The following ARID4A variants were observed in gnomAD, a reference collection of about 807,000 sequenced individuals.
ARID4A encodes AT-rich interactive domain-containing protein 4A.
Under a neutral mutation model 148.6 loss-of-function variants are expected in ARID4A, and 39 were observed. The ratio of observed to expected loss-of-function variants is 0.26; its 90% CI spans 0.20 to 0.34. The LOEUF is 0.34. Ranked by LOEUF, ARID4A falls within the 10% of genes least tolerant of loss-of-function variation. The probability of loss-of-function intolerance (pLI) is 1.00; values close to 1 mark genes in which losing one functional copy is unlikely to be tolerated. For synonymous variants in ARID4A, 475 were observed against 481.2 expected (o/e 0.99, Z 0.17); for missense variants, 1,265 against 1,449.1 (o/e 0.87, Z 2.06).
intron 5 of ARID4A, among the ~76,000 whole-genome samples, chr14:58,316,155 C>A (rs1281516935): frequency 6.6e-6 from 1 of 151,996 alleles, no homozygotes. Flanking sequence ...TCATAGGTAA[C>A]CAATTAAAAA....
chr14:58,335,525 C>G (rs913434969), intron 11 of ARID4A, among the ~76,000 whole-genome samples: 2 of 151,920 alleles, frequency 1.3e-5, no homozygotes, highest in African/African-American at 4.8e-5. Flanking sequence ...GTTGGTCAGG[C>G]TGGTCTCAAA....
intron 2 of ARID4A, among the ~76,000 whole-genome samples, chr14:58,300,880 T>C (rs1382625607): frequency 3.3e-5 from 5 of 151,962 alleles, no homozygotes; most frequent in African/African-American, 1.2e-4. Context: ...AAATGAGTGG[T>C]AGAGTGACAT....
intron 19 of ARID4A, among the ~76,000 whole-genome samples, chr14:58,363,959 G>A (rs1444490248): frequency 3.9e-5 from 6 of 152,100 alleles, no homozygotes; most frequent in African/African-American, 9.7e-5. Context: ...AATATGCAAC[G>A]TAATATATTT....
chr14:58,300,767 A>G (rs1490993563), intron 2 of ARID4A, among the ~76,000 whole-genome samples: 11 of 152,046 alleles, frequency 7.2e-5, no homozygotes, highest in Non-Finnish European at 1.6e-4. Context: ...GCACTTAACA[A>G]TGTTAAGTTG....
chr14:58,346,539 G>C (rs2034371780), intron 13 of ARID4A, 34 bp downstream of exon 13: 1 of 1,454,568 alleles, frequency 6.9e-7, no homozygotes, highest in Admixed American at 1.8e-5. Flanking sequence ...AACATGTATT[G>C]ATGTGGTAAA....
chr14:58,339,424 G>A (rs935360279), intron 11 of ARID4A, among the ~76,000 whole-genome samples: 1 of 152,004 alleles, frequency 6.6e-6, no homozygotes, highest in Non-Finnish European at 1.5e-5. Context: ...GTCAATTTTT[G>A]TGGCTCCGAT....
chr14:58,318,487 A>T, intron 5 of ARID4A, 55 bp from the exon 6 acceptor site: 2 of 1,516,752 alleles, frequency 1.3e-6, no homozygotes, highest in Non-Finnish European at 1.8e-6. Flanking sequence ...CTGTGCTTTT[A>T]AGTTTTTATT....
intron 17 of ARID4A, among the ~76,000 whole-genome samples, chr14:58,355,454 TAAC>T (rs1349469542): frequency 6.6e-6 from 1 of 152,200 alleles, no homozygotes; most frequent in African/African-American, 2.4e-5. Context: ...AGTAAGAGAT[TAAC>T]AACAATAATA....
rs181253859 is a variant in ARID4A, at chr14:58,319,194, G to A, written c.449+389G>A. 3.8e-3 allele frequency among the ~76,000 whole-genome samples: 575 copies of A among 152,002 alleles called. 4 individuals are homozygous for A. The highest frequency in any genetic ancestry group is 0.013 in the African/African-American group (545 of 41,458). ...CCTGCTTCAGCCTCCTGAGAAGCTG[G>A]GACTACAGGCATGTGCCACCACACC... is the stretch of plus-strand genomic sequence containing the variant. On this transcript the variant is annotated intron_variant, in intron 7 of 23. Coordinates refer to ENST00000355431, the MANE Select transcript of ARID4A (RefSeq NM_002892.4).
At chr14:58,324,322 C>T (rs944727338) in intron 8 of ARID4A, among the ~76,000 whole-genome samples, 1 of 152,008 alleles carries the variant, frequency 6.6e-6, no homozygotes, top group Admixed American at 6.6e-5. Flanking sequence ...GTTTCCCAGG[C>T]TGGAGTGCAG....
In ARID4A at chr14:58,338,645, G is replaced by A. The variant is rs541150700; in HGVS notation, c.907-6050G>A. ...TGTGATGGAGTTTCAGAGTTGGGGT[G>A]AGAAGGGTAGCCCATGAAGAGGGCC... On this transcript the variant is annotated intron_variant, in intron 11 of 23. Coordinates refer to ENST00000355431, the MANE Select transcript of ARID4A (RefSeq NM_002892.4). 6.3e-4 allele frequency among the ~76,000 whole-genome samples: 96 copies of A among 152,224 alleles called. No individual in the cohort carries two copies. In the South Asian group the frequency reaches 7.5e-3, roughly 12 times the overall value.
rs763678025 is a variant in ARID4A at position 58,330,163 on chromosome 14, A to C, written c.900A>C (p.Glu300Asp). The change falls in exon 11 of 24, where the codon GAA becomes GAC. Residue 300 changes from glutamate to aspartate, a missense_variant. By Grantham distance (45) the Glu-to-Asp change is conservative (BLOSUM62 2). Coordinates refer to ENST00000355431, the MANE Select transcript of ARID4A (RefSeq NM_002892.4). ...EKEKEAKKTE[E>D]EVPEEELDPE... Reference sequence around the variant, plus strand: ...AAAAGGAGGCCAAAAAGACAGAAGAAGAGGTGGTAGGTGTAATTTCATGTT... The same window carrying C: ...AAAAGGAGGCCAAAAAGACAGAAGACGAGGTGGTAGGTGTAATTTCATGTT... 2 of 1,611,320 alleles carry C rather than the reference A, an allele frequency of 1.2e-6. No homozygotes were observed. Among genetic ancestry groups the C allele is most frequent in the Admixed American group, 1.7e-5 (1 of 59,014 alleles).
chr14:58,301,503 C>T, intron 2 of ARID4A, 77 bp from the exon 3 acceptor site: 1 of 986,018 alleles, frequency 1.0e-6, no homozygotes, highest in Admixed American at 2.5e-5. Flanking sequence ...GCTTCAAACA[C>T]AACCTTTTAA....
chr14:58,364,163 C>G lies in ARID4A; in HGVS notation c.2081-7C>G, dbSNP rs2035250690. 2.3e-6 allele frequency: 3 copies of G among 1,309,244 alleles called. No homozygotes were observed. Among genetic ancestry groups the G allele is most frequent in the African/African-American group, 1.5e-5 (1 of 65,366 alleles). 81.1% of individuals were successfully genotyped at this position (1,309,244 alleles called of 1,614,324 possible). On this transcript the variant is annotated splice_polypyrimidine_tract_variant and splice_region_variant and intron_variant, in intron 19 of 23. Transcript: ENST00000355431. ...CCTGTATAATATAATAATATTTCCT[C>G]TTACAGACTCTTGTTCATCTGATAG... is the stretch of plus-strand genomic sequence containing the variant.
At chr14:58,333,123 A>G (rs903208339) in intron 11 of ARID4A, among the ~76,000 whole-genome samples, 4 of 152,062 alleles carry the variant, frequency 2.6e-5, no homozygotes, top group Non-Finnish European at 5.9e-5. Context: ...TCATGCTGTT[A>G]CTGTGTGGGA....
At chr14:58,361,199 C>G in intron 19 of ARID4A, 157 bp downstream of exon 19, 3 of 814,206 alleles carry the variant, frequency 3.7e-6, no homozygotes, top group Non-Finnish European at 3.0e-6. Context: ...GGTTGAGTAT[C>G]CCTTGCCCAA....
chr14:58,328,672 A>G (rs2033349717), intron 9 of ARID4A, among the ~76,000 whole-genome samples: 1 of 151,996 alleles, frequency 6.6e-6, no homozygotes, highest in Admixed American at 6.6e-5. Context: ...TTACAAGAGC[A>G]ATTATTTTGA....
intron 5 of ARID4A, among the ~76,000 whole-genome samples, chr14:58,307,945 C>T (rs1029802541): frequency 3.9e-5 from 6 of 152,086 alleles, no homozygotes; most frequent in Admixed American, 3.3e-4. Context: ...ATATATGATG[C>T]ATATTCAGAT....
At chr14:58,332,274 T>C (rs2033574205) in intron 11 of ARID4A, among the ~76,000 whole-genome samples, 1 of 152,164 alleles carries the variant, frequency 6.6e-6, no homozygotes, top group African/African-American at 2.4e-5. Flanking sequence ...TCTTAAAATG[T>C]GTCACCTAAA....
Sources: allele counts gnomAD v4.1 joint callset (sites outside exome capture counted in the v4.1 genomes callset), GRCh38; gene constraint gnomAD v4.1.1; transcripts MANE v1.5; gene names NCBI Gene and HGNC (gene_info 2026-07-23, HGNC 2026-07-21).